WDR12: variants seen among roughly 807,000 people sequenced by gnomAD.
The protein encoded by WDR12 is ribosome biogenesis protein WDR12.
A neutral mutation model predicts 64.3 loss-of-function variants in WDR12; 42 were observed. The ratio of observed to expected loss-of-function variants is 0.65; its 90% CI spans 0.51 to 0.84. The LOEUF (loss-of-function observed/expected upper bound fraction) is 0.84. Ranked by LOEUF, WDR12 falls within the 40% of genes least tolerant of loss-of-function variation. The pLI, the probability that WDR12 is intolerant of heterozygous loss-of-function variation, is 0.00. For synonymous variants in WDR12, 158 were observed against 173.3 expected, an observed-to-expected ratio of 0.91 and a Z score of 0.70; for missense variants, 469 against 494.6, an observed-to-expected ratio of 0.95 and a Z score of 0.49.
intron 6 of WDR12, 103 bp downstream of exon 6, chr2:202,895,962 T>C (rs1688234593): frequency 7.4e-7 from 1 of 1,347,778 alleles, no homozygotes; most frequent in East Asian, 2.3e-5. Flanking sequence ...TCACCGATTG[T>C]TAGGAAACTA....
chr2:202,903,953 C>T (rs975467591), intron 2 of WDR12, among the ~76,000 whole-genome samples: 17 of 151,854 alleles, frequency 1.1e-4, no homozygotes, highest in African/African-American at 4.1e-4. Flanking sequence ...GCCTGGCCAA[C>T]ATGGTGAAAC....
At chr2:202,902,686 A>G (rs1481220809) in intron 2 of WDR12, among the ~76,000 whole-genome samples, 1 of 152,228 alleles carries the variant, frequency 6.6e-6, no homozygotes, top group East Asian at 1.9e-4. Flanking sequence ...TGAAGGCTGT[A>G]CTGCCGGCTT....
rs199903182 is a variant in WDR12, at chr2:202,884,467, T to C, written c.810A>G (p.Glu270=). ...TATGGTCCCAAGATGCACTGCAGAT[T>C]TCTTCAGCATCTGACCACAGAACTG... ...VSSVLWSDAE[E]ICSASWDHTI... The change falls in exon 9 of 13, where the codon GAA becomes GAG. Residue 270 remains glutamate, a synonymous_variant. Coordinates refer to ENST00000261015, the MANE Select transcript of WDR12 (RefSeq NM_018256.4). 84 of 1,614,104 alleles carry C rather than the reference T, an allele frequency of 5.2e-5. No homozygotes were observed. Among genetic ancestry groups the C allele is most frequent in the Middle Eastern group, 3.3e-4 (2 of 6,084 alleles).
At chr2:202,909,368 T>C (rs189397661) in intron 1 of WDR12, among the ~76,000 whole-genome samples, 40 of 152,332 alleles carry the variant, frequency 2.6e-4, no homozygotes, top group African/African-American at 8.9e-4. Context: ...AATGAAGTGC[T>C]AATATATACT....
chr2:202,895,581 C>T (rs577067000), intron 6 of WDR12, among the ~76,000 whole-genome samples: 78 of 141,004 alleles, frequency 5.5e-4, no homozygotes, highest in African/African-American at 1.6e-3. Flanking sequence ...TGGAGTGCAA[C>T]GGTGCAATCT....
intron 6 of WDR12, 111 bp from the exon 7 acceptor site, chr2:202,894,737 A>C: frequency 1.2e-6 from 1 of 864,934 alleles, no homozygotes; most frequent in Non-Finnish European, 1.7e-6. Flanking sequence ...CTTGTGTTCC[A>C]CAGAACTGAA....
intron 8 of WDR12, among the ~76,000 whole-genome samples, chr2:202,891,113 T>C (rs964479040): frequency 2.6e-5 from 4 of 152,000 alleles, no homozygotes; most frequent in Non-Finnish European, 4.4e-5. Flanking sequence ...ACCAGGGACA[T>C]GCATGAATAT....
At chr2:202,897,044 GATGA>G (rs1688257590) in intron 5 of WDR12, among the ~76,000 whole-genome samples, 1 of 151,886 alleles carries the variant, frequency 6.6e-6, no homozygotes, top group Non-Finnish European at 1.5e-5. Context: ...GAAAATAAAA[GATGA>G]ATGTAATACA....
At chr2:202,907,739 T>C in intron 2 of WDR12, 126 bp downstream of exon 2, 1 of 705,362 alleles carries the variant, frequency 1.4e-6, no homozygotes, top group Non-Finnish European at 2.4e-6. Context: ...ACCTGTACTT[T>C]ATAACTTACA....
At chr2:202,894,537 G>C in intron 7 of WDR12, 44 bp downstream of exon 7, 1 of 1,536,032 alleles carries the variant, frequency 6.5e-7, no homozygotes, top group Non-Finnish European at 8.8e-7. Flanking sequence ...TTAAATTTTT[G>C]AAACAACATT....
chr2:202,882,781 C>T lies in WDR12; in HGVS notation c.1124G>A (p.Cys375Tyr). 1 of 1,613,746 alleles carries T rather than the reference C, an allele frequency of 6.2e-7. No individual in the cohort carries two copies. The highest frequency in any genetic ancestry group is 8.5e-7 in the Non-Finnish European group (1 of 1,179,698). Residue 375 changes from cysteine to tyrosine, a missense_variant and splice_region_variant, in exon 12 of 13, where the codon TGT (cysteine) becomes TAT (tyrosine). Cys to Tyr is a radical substitution (Grantham distance 194, BLOSUM62 -2). Coordinates refer to ENST00000261015, the MANE Select transcript of WDR12 (RefSeq NM_018256.4). The part of the protein sequence containing the change: ...NIVKLWDTRS[C>Y]KAPLYDLAAH... ...AGCCAGATCATAGAGAGGAGCCTTACAACTAAAAGATGAAAATATTAACAT... is the reference window on the plus strand; with the variant it reads ...AGCCAGATCATAGAGAGGAGCCTTATAACTAAAAGATGAAAATATTAACAT...
At chr2:202,896,953 C>T (rs879928304) in intron 5 of WDR12, among the ~76,000 whole-genome samples, 2 of 152,026 alleles carry the variant, frequency 1.3e-5, no homozygotes, top group South Asian at 2.1e-4. Flanking sequence ...TGCCACTGCA[C>T]GCTAGCCTGG....
chr2:202,875,628 T>C lies in WDR12; in HGVS notation c.*5232A>G, dbSNP rs1275655702. 6.6e-6 allele frequency: 1 copy of C among 152,218 alleles called. No individual in the cohort carries two copies. The highest frequency in any genetic ancestry group is 6.5e-5 in the Admixed American group (1 of 15,280). The allele number at this position is 152,218 out of a possible 1,614,324, so 9.4% of individuals were successfully genotyped here. ...TTCTTGAACTCCCGACCTCAGATGATATGCCCACCTCAGCCTCCCAAAATG... is the reference window on the plus strand; with the variant it reads ...TTCTTGAACTCCCGACCTCAGATGACATGCCCACCTCAGCCTCCCAAAATG... On this transcript the variant is annotated 3_prime_UTR_variant, in exon 13 of 13. Coordinates refer to ENST00000261015, the MANE Select transcript of WDR12 (RefSeq NM_018256.4).
chr2:202,900,226 GGCTGAGGC>G (rs903136242), intron 3 of WDR12, among the ~76,000 whole-genome samples: 2 of 151,930 alleles, frequency 1.3e-5, no homozygotes, highest in African/African-American at 4.8e-5. Flanking sequence ...CTACTTTGGA[GGCTGAGGC>G]GCAAGAATCA....
intron 8 of WDR12, among the ~76,000 whole-genome samples, chr2:202,891,142 T>C (rs1444375109): frequency 6.6e-6 from 1 of 152,074 alleles, no homozygotes; most frequent in African/African-American, 2.4e-5. Flanking sequence ...ACTGGCACAA[T>C]ATCCAAATGG....
intron 3 of WDR12, 99 bp downstream of exon 3, chr2:202,900,926 T>C (rs977093459): frequency 2.2e-6 from 2 of 907,446 alleles, no homozygotes; most frequent in Non-Finnish European, 3.3e-6. Context: ...AAAGAATCTT[T>C]GCTACTAAAG....
At chr2:202,910,856 ATAT>A (rs796393210) in intron 1 of WDR12, among the ~76,000 whole-genome samples, 111 of 152,284 alleles carry the variant, frequency 7.3e-4, no homozygotes, top group African/African-American at 2.6e-3. Context: ...AACACGACAA[ATAT>A]TATCATTTTC....
chr2:202,883,821 A>T (rs539607004), intron 10 of WDR12, 80 bp from the exon 11 acceptor site: 32 of 1,051,034 alleles, frequency 3.0e-5, no homozygotes, highest in South Asian at 1.2e-4. Context: ...ATTTGTAGAA[A>T]TTTTTTTTTT....
At chr2:202,889,898 G>GC (rs1022009820) in intron 8 of WDR12, among the ~76,000 whole-genome samples, 2 of 53,954 alleles carry the variant, frequency 3.7e-5, no homozygotes, top group Non-Finnish European at 1.1e-4. Context: ...CCTCTCAAAA[G>GC]GGGGGAAAGA....
Sources: allele counts gnomAD v4.1 joint callset (sites outside exome capture counted in the v4.1 genomes callset), GRCh38; gene constraint gnomAD v4.1.1; transcripts MANE v1.5; gene names NCBI Gene and HGNC (gene_info 2026-07-23, HGNC 2026-07-21).